Variants in NDST3 observed in about 807,000 individuals in gnomAD.
The protein encoded by NDST3 is bifunctional heparan sulfate N-deacetylase/N-sulfotransferase 3.
A neutral mutation model predicts 96.1 loss-of-function variants in NDST3; 58 were observed. That is an observed-to-expected ratio of 0.60 (90% confidence interval 0.49 to 0.75). The LOEUF is 0.75. Among genes scored for constraint, NDST3 ranks in the 30% least tolerant of loss-of-function variants. The pLI, the probability that NDST3 is intolerant of heterozygous loss-of-function variation, is 0.00. For missense variants in NDST3, 788 were observed against 1,034.2 expected (o/e 0.76, Z 3.27); for synonymous variants, 333 against 359.7 (o/e 0.93, Z 0.84).
chr4:118,086,724 T>TA (rs1728453464), intron 2 of NDST3, among the ~76,000 whole-genome samples: 1 of 152,168 alleles, frequency 6.6e-6, no homozygotes, highest in South Asian at 2.1e-4. Context: ...TCATAAATGC[T>TA]ATGCTTTCAT....
intron 12 of NDST3, among the ~76,000 whole-genome samples, chr4:118,245,865 A>T (rs1741282000): frequency 6.6e-6 from 1 of 152,186 alleles, no homozygotes; most frequent in African/African-American, 2.4e-5. Context: ...ACTGGGGCAC[A>T]GGAAAGTTAA....
In NDST3 at chr4:118,054,897, G is replaced by A. The variant is rs764696362; in HGVS notation, c.981+6G>A. On this transcript the variant is annotated splice_donor_region_variant and intron_variant, in intron 2 of 13. Coordinates refer to ENST00000296499, the MANE Select transcript of NDST3 (RefSeq NM_004784.3). Reference sequence around the variant, plus strand: ...TGAACACCAATGATGTAAAGGTAAGGCTCTATTTTCTCAAGTTTCAAAGTT... The same window carrying A: ...TGAACACCAATGATGTAAAGGTAAGACTCTATTTTCTCAAGTTTCAAAGTT... The A allele has an allele frequency of 3.1e-6, 5 of 1,607,008 alleles. No individual in the cohort carries two copies. Among genetic ancestry groups the A allele is most frequent in the Non-Finnish European group, 4.2e-6 (5 of 1,178,826 alleles).
chr4:118,241,745 T>C (rs1490228092), intron 11 of NDST3, among the ~76,000 whole-genome samples: 2 of 152,250 alleles, frequency 1.3e-5, no homozygotes, highest in South Asian at 2.1e-4. Context: ...GTTTTGAAAG[T>C]TGGTTTCCAT....
rs189633488 is a variant in NDST3 at position 118,224,144 on chromosome 4, A to C, written c.1540-347A>C. On this transcript the variant is annotated intron_variant, in intron 6 of 13. Transcript: ENST00000296499. ...GATGTTTTATATTGGGAATAATGGA[A>C]CTAAGGAATGTGAAAAAGGGCTTGA... is the stretch of plus-strand genomic sequence containing the variant. Among the ~76,000 whole-genome samples, 121 of 152,276 alleles carry C rather than the reference A, an allele frequency of 7.9e-4. 1 individual carries two copies. Among genetic ancestry groups the C allele is most frequent in the Non-Finnish European group, 1.4e-3 (92 of 68,004 alleles).
chr4:118,206,859 T>C (rs1738469543), intron 6 of NDST3, among the ~76,000 whole-genome samples: 1 of 143,744 alleles, frequency 7.0e-6, no homozygotes, highest in African/African-American at 2.6e-5. Context: ...TCCTTAGCCA[T>C]TCCACTTCTA....
chr4:118,193,935 C>T, intron 6 of NDST3: 2 of 948,740 alleles, frequency 2.1e-6, no homozygotes, highest in South Asian at 2.6e-5. Flanking sequence ...TATTTGCCTT[C>T]CTTGAAGTAC....
intron 12 of NDST3, 54 bp downstream of exon 12, chr4:118,242,203 A>T: frequency 7.8e-7 from 1 of 1,276,632 alleles, no homozygotes; most frequent in Non-Finnish European, 1.1e-6. Flanking sequence ...ATTGATTTCA[A>T]AGAAATTGCA....
At chr4:118,173,253 A>C (rs2125939888) in intron 6 of NDST3, among the ~76,000 whole-genome samples, 1 of 152,266 alleles carries the variant, frequency 6.6e-6, no homozygotes, top group South Asian at 2.1e-4. Flanking sequence ...TAGATGAAGA[A>C]ACTGAGGTTC....
chr4:118,249,630 C>T (rs1270695087), intron 12 of NDST3, among the ~76,000 whole-genome samples: 1 of 152,016 alleles, frequency 6.6e-6, no homozygotes, highest in African/African-American at 2.4e-5. Flanking sequence ...CTCTCTAATA[C>T]ACAAAGTCAT....
intron 2 of NDST3, 114 bp downstream of exon 2, chr4:118,055,005 T>C (rs762562403): frequency 6.1e-6 from 8 of 1,310,340 alleles, no homozygotes; most frequent in South Asian, 1.2e-5. Flanking sequence ...ACTGGGAAAG[T>C]CTGGGCAATC....
intron 6 of NDST3, among the ~76,000 whole-genome samples, chr4:118,200,591 T>A (rs1344674887): frequency 6.6e-6 from 1 of 152,176 alleles, no homozygotes; most frequent in Non-Finnish European, 1.5e-5. Flanking sequence ...ATAGCTTTCT[T>A]TTTTGTCTTT....
At chr4:118,133,021 T>A (rs1732765142) in intron 4 of NDST3, among the ~76,000 whole-genome samples, 1 of 152,260 alleles carries the variant, frequency 6.6e-6, no homozygotes, top group Admixed American at 6.5e-5. Flanking sequence ...TTGCACTTCC[T>A]GGGATTGGGG....
intron 2 of NDST3, 124 bp from the exon 3 acceptor site, chr4:118,104,894 C>T: frequency 3.1e-6 from 2 of 636,616 alleles, no homozygotes; most frequent in Middle Eastern, 4.5e-4. Flanking sequence ...AACTATTTTC[C>T]ACCATTTAAT....
intron 9 of NDST3, among the ~76,000 whole-genome samples, chr4:118,236,561 T>C (rs1036247412): frequency 9.9e-5 from 15 of 152,228 alleles, no homozygotes. Flanking sequence ...CACTATGTGA[T>C]TAAACGTAAC....
intron 3 of NDST3, among the ~76,000 whole-genome samples, chr4:118,113,187 T>A (rs1025077262): frequency 4.9e-4 from 75 of 152,138 alleles, no homozygotes; most frequent in African/African-American, 1.6e-3. Flanking sequence ...ATTAAAGAGG[T>A]CATGTGACTT....
intron 13 of NDST3, among the ~76,000 whole-genome samples, chr4:118,255,146 C>T (rs757496322): frequency 3.3e-5 from 5 of 152,118 alleles, no homozygotes; most frequent in South Asian, 2.1e-4. Context: ...TTTTGTTTTA[C>T]TCTGGTCTAA....
In NDST3 at chr4:118,196,321, C is replaced by T. The variant is rs965582055; in HGVS notation, c.1540-28170C>T. Among the ~76,000 whole-genome samples the T allele has an allele frequency of 5.9e-5, 9 of 152,158 alleles. No homozygotes were observed. The East Asian group carries it at 1.7e-3, about 29-fold the overall frequency. Reference sequence around the variant, plus strand: ...CTGTAGTTTTCTTTTTTTGATGTGTCTATGTCTGGTTTTGGTATCAGAGTA... The same window carrying T: ...CTGTAGTTTTCTTTTTTTGATGTGTTTATGTCTGGTTTTGGTATCAGAGTA... On this transcript the variant is annotated intron_variant, in intron 6 of 13. Transcript: ENST00000296499.
intron 1 of NDST3, among the ~76,000 whole-genome samples, chr4:118,041,320 C>T (rs1323337081): frequency 1.3e-5 from 2 of 152,180 alleles, no homozygotes; most frequent in East Asian, 3.9e-4. Context: ...AATTTCAGTA[C>T]CTATGTAAAT....
intron 5 of NDST3, among the ~76,000 whole-genome samples, chr4:118,142,087 T>C (rs746301401): frequency 9.2e-5 from 14 of 152,182 alleles, no homozygotes; most frequent in Non-Finnish European, 1.5e-4. Flanking sequence ...TTAGGAAATA[T>C]ATTTAATTCC....
Sources: gnomAD v4.1 joint callset for allele counts (sites outside exome capture counted in the v4.1 genomes callset) on GRCh38, gnomAD v4.1.1 for gene constraint, MANE v1.5 for transcripts, NCBI Gene and HGNC (gene_info 2026-07-23, HGNC 2026-07-21) for gene names.